Variants in SPOCK3 observed in about 807,000 individuals in gnomAD.
The protein encoded by SPOCK3 is SPARC (osteonectin), cwcv and kazal like domains proteoglycan 3, also known as testican-3.
A neutral mutation model predicts 56.6 loss-of-function variants in SPOCK3; 30 were observed. The ratio of observed to expected loss-of-function variants is 0.53; its 90% confidence interval spans 0.40 to 0.72. The LOEUF (loss-of-function observed/expected upper bound fraction) is 0.72, where lower values mean the gene tolerates loss of function less well. SPOCK3 is among the 30% of genes least tolerant of loss of function. The probability of loss-of-function intolerance (pLI) is 0.00; values close to 1 mark genes in which losing one functional copy is unlikely to be tolerated. For synonymous variants in SPOCK3, 196 were observed against 183.3 expected (o/e 1.07, Z -0.56); for missense variants, 527 against 530.0 (o/e 0.99, Z 0.06).
intron 4 of SPOCK3, among the ~76,000 whole-genome samples, chr4:166,992,438 G>A (rs1747892325): frequency 6.6e-6 from 1 of 152,004 alleles, no homozygotes; most frequent in African/African-American, 2.4e-5. Flanking sequence ...AAATAATAAA[G>A]CAATATAGAA....
At chr4:167,221,624 A>G (rs1735925243) in intron 2 of SPOCK3, among the ~76,000 whole-genome samples, 2 of 152,216 alleles carry the variant, frequency 1.3e-5, no homozygotes, top group African/African-American at 4.8e-5. Flanking sequence ...CATGTAACCC[A>G]ATTAAAAATG....
intron 2 of SPOCK3, among the ~76,000 whole-genome samples, chr4:167,118,627 C>G (rs973279127): frequency 2.0e-5 from 3 of 152,110 alleles, no homozygotes; most frequent in African/African-American, 7.2e-5. Context: ...CAGCTGCCAT[C>G]TCAGTTAAAT....
chr4:167,102,164 T>C (rs536998641), intron 2 of SPOCK3, among the ~76,000 whole-genome samples: 129 of 152,266 alleles, frequency 8.5e-4, no homozygotes, highest in African/African-American at 2.9e-3. Context: ...GGAGATCAGA[T>C]TGAAACCTCA....
chr4:167,216,176 T>C (rs972844086), intron 2 of SPOCK3, among the ~76,000 whole-genome samples: 58 of 152,074 alleles, frequency 3.8e-4, no homozygotes, highest in African/African-American at 1.4e-3. Context: ...AATCACATGA[T>C]CTCCCTCTAA....
At chr4:166,783,681 A>C (rs1342867881) in intron 7 of SPOCK3, among the ~76,000 whole-genome samples, 1 of 152,108 alleles carries the variant, frequency 6.6e-6, no homozygotes, top group East Asian at 1.9e-4. Context: ...CAAGGACTGC[A>C]GTCCTTGATG....
chr4:166,870,544 A>G (rs1560954437), intron 6 of SPOCK3, among the ~76,000 whole-genome samples: 2 of 152,154 alleles, frequency 1.3e-5, no homozygotes, highest in African/African-American at 4.8e-5. Context: ...AGAAATCAAT[A>G]AGAGAGATAG....
intron 3 of SPOCK3, among the ~76,000 whole-genome samples, chr4:167,023,222 C>T (rs547554120): frequency 6.6e-6 from 1 of 151,840 alleles, no homozygotes; most frequent in South Asian, 2.1e-4. Flanking sequence ...TCAGGGGGAC[C>T]ATTTTGCATC....
At chr4:166,878,475 G>A (rs954376551) in intron 6 of SPOCK3, among the ~76,000 whole-genome samples, 11 of 150,280 alleles carry the variant, frequency 7.3e-5, no homozygotes, top group Non-Finnish European at 1.5e-5. Flanking sequence ...TTTTTAAAAT[G>A]TATATTTTAT....
At chr4:166,922,686 G>A (rs1738632836) in intron 4 of SPOCK3, among the ~76,000 whole-genome samples, 1 of 152,090 alleles carries the variant, frequency 6.6e-6, no homozygotes, top group South Asian at 2.1e-4. Flanking sequence ...TAGAGCAAAG[G>A]CCACTTTCTG....
intron 6 of SPOCK3, among the ~76,000 whole-genome samples, chr4:166,858,147 T>C (rs982679827): frequency 2.0e-5 from 3 of 152,192 alleles, no homozygotes; most frequent in Admixed American, 1.3e-4. Flanking sequence ...TGTGATTTCT[T>C]CCATTATACT....
At chr4:167,210,023 G>A (rs1351180214) in intron 2 of SPOCK3, among the ~76,000 whole-genome samples, 2 of 152,094 alleles carry the variant, frequency 1.3e-5, no homozygotes, top group African/African-American at 4.8e-5. Flanking sequence ...ATCTGTCAAG[G>A]AGGCAATTGT....
At chr4:166,838,249 A>T (rs1746841365) in intron 6 of SPOCK3, among the ~76,000 whole-genome samples, 3 of 152,138 alleles carry the variant, frequency 2.0e-5, no homozygotes, top group African/African-American at 7.2e-5. Context: ...TTTCTCAAAA[A>T]CTTTTTCAGC....
intron 3 of SPOCK3, among the ~76,000 whole-genome samples, chr4:167,004,515 C>G (rs1365945): frequency 1 from 152,152 of 152,240 alleles, 76,032 homozygotes; most frequent in Non-Finnish European, 1. Context: ...ATGATTTTAG[C>G]TAGAAGAGTG....
intron 4 of SPOCK3, among the ~76,000 whole-genome samples, chr4:166,976,858 A>G (rs2150084257): frequency 6.6e-6 from 1 of 152,032 alleles, no homozygotes; most frequent in East Asian, 1.9e-4. Context: ...TACTTGCCAT[A>G]AAAATCTCAC....
intron 2 of SPOCK3, among the ~76,000 whole-genome samples, chr4:167,171,744 G>A (rs1730515868): frequency 6.6e-6 from 1 of 151,748 alleles, no homozygotes; most frequent in Non-Finnish European, 1.5e-5. Flanking sequence ...TAAAATCTAT[G>A]GCATAATTTT....
intron 4 of SPOCK3, among the ~76,000 whole-genome samples, chr4:166,921,036 T>A (rs1738425928): frequency 6.6e-6 from 1 of 152,150 alleles, no homozygotes; most frequent in Admixed American, 6.5e-5. Flanking sequence ...AGCTTACTGC[T>A]TTATTGGGAA....
rs185147124 is a variant in SPOCK3, at chr4:166,777,501, G to C, written c.709+14669C>G. ...TGAAAGAGTATAGGTTTCAAGCCCA[G>C]TGTGGTGGCTCAGGCCATTAATCCC... On this transcript the variant is annotated intron_variant, in intron 7 of 10. Coordinates refer to ENST00000357545, the MANE Select transcript of SPOCK3 (RefSeq NM_001040159.2). Among the ~76,000 whole-genome samples, 13 of 152,248 alleles carry C rather than the reference G, an allele frequency of 8.5e-5. No individual in the cohort carries two copies. In the East Asian group the frequency reaches 2.5e-3, roughly 29 times the overall value.
At chr4:166,883,230 A>C (rs1388610800) in intron 6 of SPOCK3, 2 of 152,176 alleles carry the variant, frequency 1.3e-5, no homozygotes, top group African/African-American at 4.8e-5. Context: ...AATGAAATAA[A>C]CTTTGTTTCT....
chr4:166,885,444 C>T (rs962688678), intron 6 of SPOCK3, among the ~76,000 whole-genome samples: 1 of 116,716 alleles, frequency 8.6e-6, no homozygotes, highest in Non-Finnish European at 1.9e-5. Flanking sequence ...ATATGTTTGA[C>T]TCAGATAAAT....
Sources: gnomAD v4.1 joint callset for allele counts (sites outside exome capture counted in the v4.1 genomes callset) on GRCh38, gnomAD v4.1.1 for gene constraint, MANE v1.5 for transcripts, NCBI Gene and HGNC (gene_info 2026-07-23, HGNC 2026-07-21) for gene names.